The following APBB1IP variants were observed in gnomAD, a reference collection of about 807,000 sequenced individuals.
APBB1IP encodes the protein amyloid beta precursor protein binding family B member 1 interacting protein, also known as amyloid beta A4 precursor protein-binding family B member 1-interacting protein.
Under a neutral mutation model 64.9 loss-of-function variants are expected in APBB1IP, and 27 were observed. That is an observed-to-expected ratio of 0.42 (90% CI 0.31 to 0.57). The LOEUF is 0.57. APBB1IP is among the 20% of genes least tolerant of loss of function. The pLI is 0.20. For synonymous variants in APBB1IP, 392 were observed against 331.0 expected, an observed-to-expected ratio of 1.18 and a Z score of -2.00; for missense variants, 812 against 845.5, an observed-to-expected ratio of 0.96 and a Z score of 0.49.
At chr10:26,443,549 T>C (rs1365322059) in intron 2 of APBB1IP, among the ~76,000 whole-genome samples, 2 of 152,204 alleles carry the variant, frequency 1.3e-5, no homozygotes, top group Non-Finnish European at 2.9e-5. Flanking sequence ...TATTTATTCA[T>C]TCATTCATTC....
At chr10:26,539,366 C>G (rs572777979) in intron 10 of APBB1IP, among the ~76,000 whole-genome samples, 6 of 140,454 alleles carry the variant, frequency 4.3e-5, no homozygotes, top group Admixed American at 2.3e-4. Flanking sequence ...GAGCCATGTT[C>G]GTGCCACTGC....
intron 11 of APBB1IP, among the ~76,000 whole-genome samples, chr10:26,553,889 C>T (rs760575300): frequency 5.9e-5 from 9 of 152,122 alleles, no homozygotes; most frequent in Non-Finnish European, 1.0e-4. Flanking sequence ...TCAAACTGGA[C>T]CCCTACTCTG....
At chr10:26,532,639 A>C (rs549296160) in intron 8 of APBB1IP, among the ~76,000 whole-genome samples, 22 of 151,968 alleles carry the variant, frequency 1.4e-4, no homozygotes, top group Admixed American at 9.2e-4. Flanking sequence ...GCATGCCGCC[A>C]TGCCTAGCTA....
At chr10:26,531,031 A>G (rs1250350052) in intron 8 of APBB1IP, among the ~76,000 whole-genome samples, 1 of 152,230 alleles carries the variant, frequency 6.6e-6, no homozygotes, top group East Asian at 1.9e-4. Flanking sequence ...ATATTAAAAT[A>G]AACTTCTTTT....
intron 2 of APBB1IP, among the ~76,000 whole-genome samples, chr10:26,469,228 T>C (rs1180025951): frequency 1.3e-5 from 2 of 151,498 alleles, no homozygotes; most frequent in Non-Finnish European, 2.9e-5. Context: ...TATCTATTTA[T>C]ATAAGTGTTT....
chr10:26,551,653 T>C (rs1836832352), intron 11 of APBB1IP, among the ~76,000 whole-genome samples: 1 of 152,210 alleles, frequency 6.6e-6, no homozygotes, highest in Non-Finnish European at 1.5e-5. Context: ...AGCGCTGGAA[T>C]TCCGCCCCGT....
chr10:26,462,870 T>C (rs1038710231), intron 2 of APBB1IP, among the ~76,000 whole-genome samples: 4 of 152,174 alleles, frequency 2.6e-5, no homozygotes, highest in African/African-American at 9.7e-5. Flanking sequence ...ACTCCTCAAA[T>C]GTTTGATGAC....
intron 11 of APBB1IP, among the ~76,000 whole-genome samples, chr10:26,555,471 A>C (rs966973157): frequency 3.3e-5 from 5 of 152,332 alleles, no homozygotes; most frequent in Non-Finnish European, 1.5e-5. Context: ...TTAGTATGGA[A>C]CATACTATTT....
intron 2 of APBB1IP, among the ~76,000 whole-genome samples, chr10:26,456,371 C>T (rs4749144): frequency 0.4 from 60,679 of 151,768 alleles, 12,261 homozygotes; most frequent in South Asian, 0.5. Context: ...GTGATAGCAG[C>T]GGAGTAGATT....
chr10:26,567,756 T>G lies in APBB1IP; in HGVS notation c.*268T>G, dbSNP rs192656870. 83 of 598,764 alleles carry G rather than the reference T, an allele frequency of 1.4e-4. No homozygotes were observed. In the African/African-American group the frequency reaches 1.6e-3, roughly 12 times the overall value. The allele number at this position is 598,764 out of a possible 1,614,324, so 37.1% of individuals were successfully genotyped here. A position where few individuals can be genotyped will look rare whatever the true frequency, so the allele number is the denominator to read the frequency against. ...AAAGCGCTGTTTTAGGTTCATTTAT[T>G]TTATTATGTTCAGAAGCATCAAATA... On this transcript the variant is annotated 3_prime_UTR_variant, in exon 15 of 15. Transcript: ENST00000376236.
intron 2 of APBB1IP, among the ~76,000 whole-genome samples, chr10:26,468,942 C>T (rs1200937368): frequency 2.0e-5 from 3 of 152,178 alleles, no homozygotes; most frequent in Admixed American, 2.0e-4. Context: ...GGATTTGACC[C>T]CTCCTGAGGT....
At chr10:26,450,690 C>CTTTTTTT (rs10685344) in intron 2 of APBB1IP, among the ~76,000 whole-genome samples, 1 of 138,890 alleles carries the variant, frequency 7.2e-6, no homozygotes, top group Non-Finnish European at 1.5e-5. Flanking sequence ...AACTCAGATT[C>CTTTTTTT]TTTTTTTTTT....
At chr10:26,450,141 G>A (rs1196935612) in intron 2 of APBB1IP, among the ~76,000 whole-genome samples, 1 of 152,180 alleles carries the variant, frequency 6.6e-6, no homozygotes, top group African/African-American at 2.4e-5. Flanking sequence ...ACGCTGGGCA[G>A]TTTTGCAGTG....
chr10:26,512,042 C>G (rs1836267864), intron 7 of APBB1IP, 136 bp downstream of exon 7: 1 of 1,074,646 alleles, frequency 9.3e-7, no homozygotes, highest in African/African-American at 1.6e-5. Flanking sequence ...GCTGCCCAGG[C>G]TGATCTCAAA....
intron 11 of APBB1IP, among the ~76,000 whole-genome samples, chr10:26,553,388 A>C (rs1564376995): frequency 6.6e-6 from 1 of 152,078 alleles, no homozygotes; most frequent in African/African-American, 2.4e-5. Context: ...ACAGTGGCCT[A>C]CACCTGTAAT....
chr10:26,512,332 T>C (rs1836271715), intron 7 of APBB1IP, among the ~76,000 whole-genome samples: 1 of 152,142 alleles, frequency 6.6e-6, no homozygotes, highest in African/African-American at 2.4e-5. Flanking sequence ...CTTACTAAGA[T>C]GCTGCATGCT....
chr10:26,564,994 T>C (rs752462864), intron 14 of APBB1IP, among the ~76,000 whole-genome samples: 16 of 152,072 alleles, frequency 1.1e-4, no homozygotes, highest in Non-Finnish European at 2.1e-4. Flanking sequence ...TGGACCTGTG[T>C]TCTCAGCTCA....
intron 2 of APBB1IP, among the ~76,000 whole-genome samples, chr10:26,447,196 A>AC (rs1835409345): frequency 6.8e-6 from 1 of 147,992 alleles, no homozygotes; most frequent in East Asian, 2.0e-4. Flanking sequence ...ATACAGTGAA[A>AC]CCCCATCTCT....
At position 26,528,384 on chromosome 10, in the gene APBB1IP, ATTC is replaced by A. The variant is rs1273864272; in HGVS notation, c.814-5052_814-5050del. Among the ~76,000 whole-genome samples, 9 of 152,152 alleles carry A rather than the reference ATTC, an allele frequency of 5.9e-5. No individual in the cohort carries two copies. The East Asian group carries it at 1.7e-3, about 29-fold the overall frequency. Reference sequence around the variant, plus strand: ...TGCTTGTTCTCCTCCCTGGAAATCTATTCTTATTCTTTTTTTCCCTACCAGAAC... The same window carrying A: ...TGCTTGTTCTCCTCCCTGGAAATCTATTATTCTTTTTTTCCCTACCAGAAC... On this transcript the variant is annotated intron_variant, in intron 8 of 14. Transcript: ENST00000376236.
Sources: allele counts gnomAD v4.1 joint callset (sites outside exome capture counted in the v4.1 genomes callset), GRCh38; gene constraint gnomAD v4.1.1; transcripts MANE v1.5; gene names NCBI Gene and HGNC (gene_info 2026-07-23, HGNC 2026-07-21).